RELT: variants seen among roughly 807,000 people sequenced by gnomAD.
RELT encodes the protein RELT TNF receptor.
Under a neutral mutation model 51.1 loss-of-function variants are expected in RELT, and 37 were observed. The ratio of observed to expected loss-of-function variants is 0.72; its 90% CI spans 0.56 to 0.95. The LOEUF is 0.95. RELT is among the 40% of genes least tolerant of loss of function. The pLI is 0.00. For synonymous variants in RELT, 241 were observed against 235.7 expected (o/e 1.02, Z -0.21); for missense variants, 535 against 572.6 (o/e 0.93, Z 0.67).
Position 73,394,838 on chromosome 11 carries a change from T to C in RELT, c.1046+104T>C. 7.3e-7 allele frequency: 1 copy of C among 1,362,748 alleles called. No homozygotes were observed. Among genetic ancestry groups the C allele is most frequent in the Non-Finnish European group, 1.0e-6 (1 of 1,001,724 alleles). The allele number at this position is 1,362,748 out of a possible 1,614,324, so 84.4% of individuals were successfully genotyped here. The stretch of plus-strand genomic sequence containing the variant: ...CTTGGGCCCTGAGCACCCTGCTCAA[T>C]GGGAGCCCTGCCCTTATTGGGCCTC... On this transcript the variant is annotated intron_variant, in intron 9 of 10. Transcript: ENST00000064780. This position sits in a 1 kb window ranked among gnomAD's most constrained non-coding sequence, Gnocchi z 4.9.
intron 2 of RELT, among the ~76,000 whole-genome samples, chr11:73,390,242 C>T (rs891308094): frequency 1.3e-5 from 2 of 152,156 alleles, no homozygotes; most frequent in Non-Finnish European, 2.9e-5. Context: ...GAAGCATTTC[C>T]TCCTCATCGT....
chr11:73,380,599 C>T (rs1866036543), intron 1 of RELT, among the ~76,000 whole-genome samples: 1 of 152,154 alleles, frequency 6.6e-6, no homozygotes. Context: ...CTACCCAGCC[C>T]CCAGCCTGGT....
At position 73,390,704 on chromosome 11, in the gene RELT, G is replaced by A. The variant is rs761957962; in HGVS notation, c.121-51G>A. ...GCAGAGTCCTGTGCCTGGCCCCCAA[G>A]GGTCCTCAGGCTTGGCTCCTGGCCA... On this transcript the variant is annotated intron_variant, in intron 3 of 10. Transcript: ENST00000064780. The A allele has an allele frequency of 4.3e-6, 7 of 1,609,198 alleles. No individual in the cohort carries two copies. In the Admixed American group the frequency reaches 1.2e-4, roughly 27 times the overall value.
At chr11:73,377,365 G>A (rs547417127) in intron 1 of RELT, among the ~76,000 whole-genome samples, 39 of 152,114 alleles carry the variant, frequency 2.6e-4, no homozygotes, top group African/African-American at 8.9e-4. Flanking sequence ...TCCGGCAGAT[G>A]TGGGGCGATG....
At position 73,391,669 on chromosome 11, in the gene RELT, C is replaced by T. The variant is rs1866216989; in HGVS notation, c.367+446C>T. Among the ~76,000 whole-genome samples the T allele has an allele frequency of 2.6e-5, 4 of 152,274 alleles. No individual in the cohort carries two copies. The South Asian group carries it at 8.3e-4, about 32-fold the overall frequency. On this transcript the variant is annotated intron_variant, in intron 5 of 10. Transcript: ENST00000064780. ...AAATTAGCCGGGCGTGGTGGTGCTA[C>T]TCGGGAGGCTGAGGCGGGAGGATTG...
Position 73,396,475 on chromosome 11 carries a change from C to G in RELT, c.*984C>G, listed in dbSNP as rs979766981. ...GTGCAGGCGGCTGCCAGGCCCAGCCCTGACTTCCACTCTGGCTCAGCAACC... is the reference window on the plus strand; with the variant it reads ...GTGCAGGCGGCTGCCAGGCCCAGCCGTGACTTCCACTCTGGCTCAGCAACC... On this transcript the variant is annotated 3_prime_UTR_variant, in exon 11 of 11. Coordinates refer to ENST00000064780, the MANE Select transcript of RELT (RefSeq NM_152222.2). The G allele has an allele frequency of 6.6e-6, 1 of 152,338 alleles. No individual in the cohort carries two copies. Among genetic ancestry groups the G allele is most frequent in the Non-Finnish European group, 1.5e-5 (1 of 68,124 alleles). The allele number at this position is 152,338 out of a possible 1,614,324, so 9.4% of individuals were successfully genotyped here.
At chr11:73,392,112 G>T (rs1590736826) in intron 5 of RELT, 99 bp from the exon 6 acceptor site, 2 of 1,397,706 alleles carry the variant, frequency 1.4e-6, no homozygotes, top group East Asian at 5.0e-5. Flanking sequence ...GGGCACATTG[G>T]CTCTCCTGCA....
rs1335311498 is a variant in RELT at position 73,388,417 on chromosome 11, C to T, written c.-25-695C>T. The stretch of plus-strand genomic sequence containing the variant: ...AGGTCTGCCAGGGGAAGAGCTGTGG[C>T]CAGACATGTTCCAGCCTCAAGGGAG... On this transcript the variant is annotated intron_variant, in intron 1 of 10. Coordinates refer to ENST00000064780, the MANE Select transcript of RELT (RefSeq NM_152222.2). This position sits in a 1 kb window ranked among gnomAD's most constrained non-coding sequence, Gnocchi z 4.1. Among the ~76,000 whole-genome samples the T allele has an allele frequency of 6.6e-6, 1 of 152,162 alleles. No homozygotes were observed. The highest frequency in any genetic ancestry group is 1.5e-5 in the Non-Finnish European group (1 of 68,032).
intron 5 of RELT, 51 bp from the exon 6 acceptor site, chr11:73,392,160 G>A: frequency 6.3e-7 from 1 of 1,589,028 alleles, no homozygotes; most frequent in African/African-American, 1.3e-5. Context: ...CTGTCTCTCT[G>A]TGTTTGTGTC....
intron 1 of RELT, among the ~76,000 whole-genome samples, chr11:73,387,192 C>T (rs1866137582): frequency 6.6e-6 from 1 of 152,192 alleles, no homozygotes; most frequent in Non-Finnish European, 1.5e-5. Context: ...ATCCACCTGC[C>T]TCTGCCTCCC....
chr11:73,381,782 C>T (rs1342291972), intron 1 of RELT, among the ~76,000 whole-genome samples: 1 of 152,098 alleles, frequency 6.6e-6, no homozygotes, highest in Non-Finnish European at 1.5e-5. Flanking sequence ...AGCAGGTGGA[C>T]GTAGGCCTGT....
At chr11:73,391,904 C>G (rs1287259942) in intron 5 of RELT, 1 of 504,872 alleles carries the variant, frequency 2.0e-6, no homozygotes, top group African/African-American at 1.9e-5. Flanking sequence ...AGGCAGATCC[C>G]ACGTCCCTGT....
chr11:73,394,964 C>A lies in RELT; in HGVS notation c.1047-123C>A. ...TAGGGCAGCATCTTGGCCCCCATGGCACCCGGGCCTCTCAGGCTAAGGCTC... is the reference window on the plus strand; with the variant it reads ...TAGGGCAGCATCTTGGCCCCCATGGAACCCGGGCCTCTCAGGCTAAGGCTC... On this transcript the variant is annotated intron_variant, in intron 9 of 10. Coordinates refer to ENST00000064780, the MANE Select transcript of RELT (RefSeq NM_152222.2). The surrounding 1 kb of genome is among the most constrained non-coding windows in gnomAD (Gnocchi z 4.9). 1 of 978,646 alleles carries A rather than the reference C, an allele frequency of 1.0e-6. No homozygotes were observed. Among genetic ancestry groups the A allele is most frequent in the Non-Finnish European group, 1.5e-6 (1 of 651,828 alleles). 60.6% of individuals were successfully genotyped at this position (978,646 alleles called of 1,614,324 possible). A position where few individuals can be genotyped will look rare whatever the true frequency, so the allele number is the denominator to read the frequency against.
At chr11:73,381,367 G>A (rs566376769) in intron 1 of RELT, among the ~76,000 whole-genome samples, 1 of 152,260 alleles carries the variant, frequency 6.6e-6, no homozygotes, top group South Asian at 2.1e-4. Context: ...GCACTGTGAG[G>A]AGGAGCAGTG....
rs139234070 is a variant in RELT, at chr11:73,385,152, G to A, written c.-25-3960G>A. Among the ~76,000 whole-genome samples, 7 of 152,252 alleles carry A rather than the reference G, an allele frequency of 4.6e-5. No homozygotes were observed. In the East Asian group the frequency reaches 1.2e-3, roughly 25 times the overall value. ...CTGGAGGCCAGAGACAGGGCAAGGG[G>A]GCAAGAGCAATGGGCGCAGGCCTTG... On this transcript the variant is annotated intron_variant, in intron 1 of 10. Transcript: ENST00000064780.
intron 1 of RELT, among the ~76,000 whole-genome samples, chr11:73,382,140 C>T (rs1162283155): frequency 1.3e-5 from 2 of 152,238 alleles, no homozygotes; most frequent in Non-Finnish European, 2.9e-5. Flanking sequence ...ACCTTGTCTC[C>T]TCCCTGCTCC....
chr11:73,395,394 C>T lies in RELT; in HGVS notation c.1246-50C>T, dbSNP rs766972460. On this transcript the variant is annotated intron_variant, in intron 10 of 10. Coordinates refer to ENST00000064780, the MANE Select transcript of RELT (RefSeq NM_152222.2). The stretch of plus-strand genomic sequence containing the variant: ...CTAGGCAGGGGCCACTTTCCTGGAG[C>T]CAGAAGCCAGCCCCTGACTCAGCTC... The T allele has an allele frequency of 1.1e-4, 134 of 1,254,792 alleles. 1 individual carries two copies. In the Admixed American group the frequency reaches 2.2e-3, roughly 21 times the overall value. 77.7% of individuals were successfully genotyped at this position (1,254,792 alleles called of 1,614,324 possible). A position where few individuals can be genotyped will look rare whatever the true frequency, so the allele number is the denominator to read the frequency against.
intron 6 of RELT, chr11:73,393,213 G>A (rs749115611): frequency 1.1e-4 from 112 of 999,806 alleles, no homozygotes; most frequent in African/African-American, 1.6e-4. Flanking sequence ...GCAGTAAGCC[G>A]GCAGGAGGAA....
rs1473070732 is a variant in RELT at position 73,393,899 on chromosome 11, T to C, written c.688T>C (p.Leu230=). The stretch of plus-strand genomic sequence containing the variant: ...GGACACCATTGGGGTCCTGGTGCGC[T>C]TGATCACAGAGAAGAAAGGTGAGGA... ...NEDTIGVLVR[L]ITEKKENAAA... is the part of the protein sequence containing the mutation. Residue 230 remains leucine, a synonymous_variant, in exon 7 of 11, where the codon TTG becomes CTG. Transcript: ENST00000064780. 6.2e-7 allele frequency: 1 copy of C among 1,613,872 alleles called. No homozygotes were observed. The highest frequency in any genetic ancestry group is 8.5e-7 in the Non-Finnish European group (1 of 1,179,958).
Sources: gnomAD v4.1 joint callset for allele counts (sites outside exome capture counted in the v4.1 genomes callset) on GRCh38, gnomAD v4.1.1 for gene constraint, Gnocchi (gnomAD v3.1) non-coding constraint, MANE v1.5 for transcripts, NCBI Gene and HGNC (gene_info 2026-07-23, HGNC 2026-07-21) for gene names.